The following BCR variants were observed in gnomAD, a reference collection of about 807,000 sequenced individuals.
The protein encoded by BCR is breakpoint cluster region protein.
In BCR, 58 loss-of-function variants were observed where a neutral mutation model predicts 138.6. The observed-to-expected ratio is 0.42, with a 90% CI of 0.34 to 0.52. The LOEUF is 0.52. Ranked by LOEUF, BCR falls within the 20% of genes least tolerant of loss-of-function variation. The pLI is 0.06. For synonymous variants in BCR, 786 were observed against 730.1 expected, an observed-to-expected ratio of 1.08 and a Z score of -1.23; for missense variants, 1,599 against 1,727.2, an observed-to-expected ratio of 0.93 and a Z score of 1.32.
chr22:23,227,920 G>A (rs2072912536), intron 1 of BCR, among the ~76,000 whole-genome samples: 1 of 152,174 alleles, frequency 6.6e-6, no homozygotes, highest in African/African-American at 2.4e-5. Context: ...CACCATGAAT[G>A]GTTAGGGGTA....
chr22:23,266,744 G>A (rs1365689003), intron 4 of BCR, among the ~76,000 whole-genome samples: 1 of 152,242 alleles, frequency 6.6e-6, no homozygotes, highest in Non-Finnish European at 1.5e-5. Flanking sequence ...CTCAGGAATA[G>A]CCTCACGTTC....
At position 23,180,600 on chromosome 22, in the gene BCR, G is replaced by GGCGGCGGCA. The variant is rs1569232258; in HGVS notation, c.-357_-356insCGGCAGCGG. The GGCGGCGGCA allele has an allele frequency of 1.7e-5, 3 of 174,168 alleles. No individual in the cohort carries two copies. Among genetic ancestry groups the GGCGGCGGCA allele is most frequent in the East Asian group, 1.6e-4 (1 of 6,280 alleles). 10.8% of individuals were successfully genotyped at this position (174,168 alleles called of 1,614,324 possible). Reference sequence around the variant, plus strand: ...GCGGCGGCGGCGGCGGCACGGCGGCGGCGGGGCTGTGGGGCGGTGCGGAAG... The same window carrying GGCGGCGGCA: ...GCGGCGGCGGCGGCGGCACGGCGGCGGCGGCGGCAGCGGGGCTGTGGGGCGGTGCGGAAG... On this transcript the variant is annotated 5_prime_UTR_variant, in exon 1 of 23. Transcript: ENST00000305877.
intron 1 of BCR, among the ~76,000 whole-genome samples, chr22:23,249,617 T>C (rs1167942279): frequency 1.3e-5 from 2 of 151,638 alleles, no homozygotes; most frequent in Non-Finnish European, 2.9e-5. Context: ...GGGTGGTGCT[T>C]TGTGTACTTA....
chr22:23,263,616 C>T (rs1180076600), intron 4 of BCR: 23 of 1,513,360 alleles, frequency 1.5e-5, no homozygotes, highest in Non-Finnish European at 1.6e-5. Flanking sequence ...AGGACGTTTG[C>T]CACTTTGTGC....
Position 23,317,381 on chromosome 22 carries a change from A to G in BCR, c.*1859A>G, listed in dbSNP as rs1162545917. On this transcript the variant is annotated 3_prime_UTR_variant, in exon 23 of 23. Coordinates refer to ENST00000305877, the MANE Select transcript of BCR (RefSeq NM_004327.4). ...ACAGGAGCCTCTGCTCTCTGTACCT[A>G]TCTGGGCCCGGTGGGCTCCCTTGTC... 136 of 184,492 alleles carry G rather than the reference A, an allele frequency of 7.4e-4. No individual in the cohort carries two copies. Among genetic ancestry groups the G allele is most frequent in the Non-Finnish European group, 1.2e-3 (112 of 95,056 alleles). The allele number at this position is 184,492 out of a possible 1,614,324, so 11.4% of individuals were successfully genotyped here. A position where few individuals can be genotyped will look rare whatever the true frequency, so the allele number is the denominator to read the frequency against.
rs1022715923 is a variant in BCR at position 23,181,497 on chromosome 22, C to A, written c.537C>A (p.Asn179Lys). The A allele has an allele frequency of 1.9e-6, 3 of 1,612,030 alleles. No homozygotes were observed. The highest frequency in any genetic ancestry group is 1.7e-5 in the Admixed American group (1 of 59,980). Residue 179 changes from asparagine to lysine, a missense_variant, in exon 1 of 23, where the codon AAC (asparagine) becomes AAA (lysine). Asn to Lys is a moderately conservative substitution (Grantham distance 94). Transcript: ENST00000305877. The stretch of plus-strand genomic sequence containing the variant: ...ACGCCGAGAAGCCCTTCTACGTGAA[C>A]GTCGAGTTTCACCACGAGCGCGGCC... The part of the protein sequence containing the change: ...GADAEKPFYV[N>K]VEFHHERGLV...
intron 4 of BCR, among the ~76,000 whole-genome samples, chr22:23,265,818 C>T (rs1398665900): frequency 6.6e-6 from 1 of 152,178 alleles, no homozygotes; most frequent in Non-Finnish European, 1.5e-5. Flanking sequence ...CTGAATACTT[C>T]ATTTGCTAAG....
At chr22:23,211,610 G>C (rs964525807) in intron 1 of BCR, among the ~76,000 whole-genome samples, 1 of 151,564 alleles carries the variant, frequency 6.6e-6, no homozygotes, top group Non-Finnish European at 1.5e-5. Context: ...TCAGCCTCCC[G>C]AGCAGCTGGG....
intron 1 of BCR, among the ~76,000 whole-genome samples, chr22:23,225,675 G>T (rs556407187): frequency 6.6e-6 from 1 of 152,320 alleles, no homozygotes; most frequent in African/African-American, 2.4e-5. Context: ...AGCAGATAGG[G>T]TGATGGGGTA....
intron 1 of BCR, 53 bp downstream of exon 1, chr22:23,182,292 A>T: frequency 1.4e-6 from 2 of 1,470,926 alleles, no homozygotes; most frequent in East Asian, 5.0e-5. Context: ...GAGGAAAACC[A>T]TAGACGAGTA....
intron 2 of BCR, 176 bp from the exon 3 acceptor site, chr22:23,260,774 T>C: frequency 1.6e-6 from 1 of 616,380 alleles, no homozygotes; most frequent in South Asian, 1.8e-5. Flanking sequence ...TGACTGTGAG[T>C]GTGTGGCTTA....
At position 23,211,924 on chromosome 22, in the gene BCR, C is replaced by T. The variant is rs957746022; in HGVS notation, c.1279+29685C>T. On this transcript the variant is annotated intron_variant, in intron 1 of 22. Transcript: ENST00000305877. ...ACCCTTCCCTCTAGATTTGGGGCTG[C>T]TCCTCTCAGAGTGCCCCAGAACAAA... is the stretch of plus-strand genomic sequence containing the variant. 6.6e-5 allele frequency among the ~76,000 whole-genome samples: 10 copies of T among 152,250 alleles called. No homozygotes were observed. In the East Asian group the frequency reaches 1.6e-3, roughly 24 times the overall value.
Position 23,295,068 on chromosome 22 carries a change from G to A in BCR, c.2925G>A (p.Leu975=), listed in dbSNP as rs759138491. The A allele has an allele frequency of 1.9e-6, 3 of 1,614,178 alleles. No individual in the cohort carries two copies. Among genetic ancestry groups the A allele is most frequent in the Admixed American group, 1.7e-5 (1 of 60,022 alleles). ...AGGGCTCCCAGACCCTGAGGATACT[G>A]TGCTATGAAAAGTGTTACAACAAGA... ...ELEGSQTLRI[L]CYEKCYNKTK... is the part of the protein sequence containing the mutation. Residue 975 remains leucine (L), a synonymous_variant, in exon 16 of 23, where the codon CTG becomes CTA. Transcript: ENST00000305877.
At chr22:23,247,768 A>G (rs75357881) in intron 1 of BCR, among the ~76,000 whole-genome samples, 175 of 152,312 alleles carry the variant, frequency 1.1e-3, no homozygotes, top group Non-Finnish European at 2.1e-3. Context: ...TTCTGTCTCT[A>G]TGAATCTGAC....
intron 4 of BCR, among the ~76,000 whole-genome samples, chr22:23,266,946 C>G (rs1288247911): frequency 2.6e-5 from 4 of 152,116 alleles, no homozygotes; most frequent in African/African-American, 9.7e-5. Context: ...ACCCCTGAGA[C>G]CCTGCTGAGC....
intron 1 of BCR, among the ~76,000 whole-genome samples, chr22:23,209,311 G>C (rs1277693333): frequency 6.6e-6 from 1 of 151,876 alleles, no homozygotes; most frequent in Non-Finnish European, 1.5e-5. Flanking sequence ...AGTGAGCCGA[G>C]ATCACGCCAC....
At chr22:23,290,076 C>G in intron 13 of BCR, 1 of 557,426 alleles carries the variant, frequency 1.8e-6, no homozygotes, top group South Asian at 2.0e-5. Context: ...CCACATCACC[C>G]CGACCCCCTC....
At chr22:23,211,079 G>A (rs972033467) in intron 1 of BCR, among the ~76,000 whole-genome samples, 1 of 152,188 alleles carries the variant, frequency 6.6e-6, no homozygotes, top group African/African-American at 2.4e-5. Flanking sequence ...TCTTCTGTTA[G>A]TCCTGGCAAC....
At chr22:23,224,301 G>C (rs1275590642) in intron 1 of BCR, among the ~76,000 whole-genome samples, 1 of 152,200 alleles carries the variant, frequency 6.6e-6, no homozygotes, top group African/African-American at 2.4e-5. Context: ...GGAGGACCGA[G>C]GTCCAGGTGG....
Sources: gnomAD v4.1 joint callset for allele counts (sites outside exome capture counted in the v4.1 genomes callset) on GRCh38, gnomAD v4.1.1 for gene constraint, MANE v1.5 for transcripts, NCBI Gene and HGNC (gene_info 2026-07-23, HGNC 2026-07-21) for gene names.